POLR1E: variants seen among roughly 807,000 people sequenced by gnomAD.
The protein encoded by POLR1E is DNA-directed RNA polymerase I subunit RPA49.
Under a neutral mutation model 50.9 loss-of-function variants are expected in POLR1E, and 37 were observed. The ratio of observed to expected loss-of-function variants is 0.73; its 90% confidence interval spans 0.56 to 0.96. The LOEUF (loss-of-function observed/expected upper bound fraction) is 0.96. Ranked by LOEUF, POLR1E falls within the 40% of genes least tolerant of loss-of-function variation. POLR1E has a pLI of 0.00. For missense variants in POLR1E, 426 were observed against 518.1 expected (o/e 0.82, Z 1.73); for synonymous variants, 166 against 191.6 (o/e 0.87, Z 1.10).
chr9:37,486,476 A>G (rs1166054601), intron 1 of POLR1E: 2 of 1,551,456 alleles, frequency 1.3e-6, no homozygotes, highest in African/African-American at 2.7e-5. Context: ...TCCTTCCGCG[A>G]GACATTCCCT....
intron 8 of POLR1E, among the ~76,000 whole-genome samples, chr9:37,496,539 A>C (rs1043632682): frequency 1.3e-5 from 2 of 151,174 alleles, no homozygotes; most frequent in East Asian, 3.9e-4. Context: ...AAGAGTTGTC[A>C]ATCTGAGGTT....
At chr9:37,496,221 G>A (rs1715147203) in intron 8 of POLR1E, among the ~76,000 whole-genome samples, 1 of 152,140 alleles carries the variant, frequency 6.6e-6, no homozygotes. Flanking sequence ...AGGGTGGTGA[G>A]GCCTTCTACT....
rs759718641 is a variant in POLR1E at position 37,498,123 on chromosome 9, CTT to C, written c.787_788del (p.Leu263AlafsTer27). 5 of 1,613,964 alleles carry C rather than the reference CTT, an allele frequency of 3.1e-6. No individual in the cohort carries two copies. Reference sequence around the variant, plus strand: ...ACCTTTGTCATAGAAGCGTTGAAGTCTTTGCCATCAGATGTGGAGAGCCGAGA... The same window carrying C: ...ACCTTTGTCATAGAAGCGTTGAAGTCTGCCATCAGATGTGGAGAGCCGAGA... On this transcript the variant is annotated frameshift_variant, in exon 9 of 12. Transcript: ENST00000377798. LOFTEE classifies it high-confidence loss of function.
chr9:37,496,499 G>T (rs894808001), intron 8 of POLR1E, among the ~76,000 whole-genome samples: 1 of 151,110 alleles, frequency 6.6e-6, no homozygotes, highest in Non-Finnish European at 1.5e-5. Context: ...TTGCTTTTGA[G>T]TTTTTTCTTT....
In POLR1E at chr9:37,503,313, C is replaced by G; in HGVS notation, c.*111C>G. 1 of 1,333,718 alleles carries G rather than the reference C, an allele frequency of 7.5e-7. No individual in the cohort carries two copies. The highest frequency in any genetic ancestry group is 1.6e-5 in the South Asian group (1 of 63,932). 82.6% of individuals were successfully genotyped at this position (1,333,718 alleles called of 1,614,324 possible). On this transcript the variant is annotated 3_prime_UTR_variant, in exon 12 of 12. Coordinates refer to ENST00000377798, the MANE Select transcript of POLR1E (RefSeq NM_022490.4). ...AAGAAAAGGTCCGGGGATGGTGGCT[C>G]ACACCTGAAATCCCAGCACTTTGGG...
rs183900379 is a variant in POLR1E, at chr9:37,503,299, C to T, written c.*97C>T. ...ATGTATGTTTTGAAAAGAAAAGGTC[C>T]GGGGATGGTGGCTCACACCTGAAAT... On this transcript the variant is annotated 3_prime_UTR_variant, in exon 12 of 12. Coordinates refer to ENST00000377798, the MANE Select transcript of POLR1E (RefSeq NM_022490.4). 350 of 1,412,150 alleles carry T rather than the reference C, an allele frequency of 2.5e-4. No homozygotes were observed. The African/African-American group carries it at 4.4e-3, about 18-fold the overall frequency. 87.5% of individuals were successfully genotyped at this position (1,412,150 alleles called of 1,614,324 possible). A position where few individuals can be genotyped will look rare whatever the true frequency, so the allele number is the denominator to read the frequency against.
chr9:37,502,321 C>A (rs988588053), intron 11 of POLR1E, among the ~76,000 whole-genome samples: 4 of 152,202 alleles, frequency 2.6e-5, no homozygotes, highest in African/African-American at 9.7e-5. Flanking sequence ...AGAGCTTCCT[C>A]ACAATCAGAT....
intron 2 of POLR1E, 72 bp from the exon 3 acceptor site, chr9:37,487,791 T>C: frequency 7.0e-7 from 1 of 1,430,218 alleles, no homozygotes; most frequent in Non-Finnish European, 9.8e-7. Flanking sequence ...TCAGCAAATG[T>C]AGAAAAGAGA....
At position 37,495,920 on chromosome 9, in the gene POLR1E, A is replaced by G. The variant is rs2119010411; in HGVS notation, c.686A>G (p.Gln229Arg). The G allele has an allele frequency of 6.2e-7, 1 of 1,614,042 alleles. No individual in the cohort carries two copies. The highest frequency in any genetic ancestry group is 1.1e-5 in the South Asian group (1 of 91,080). Residue 229 changes from glutamine (Q) to arginine (R), a missense_variant, in exon 8 of 12, where the codon CAG (glutamine) becomes CGG (arginine). Gln to Arg is a conservative substitution (Grantham distance 43). Transcript: ENST00000377798. ...TCCCCTGCGGAGTATGAAGCTCTTC[A>G]GAGCCCATCTGAAGCTTTCAGGAAC... ...LLSPAEYEAL[Q>R]SPSEAFRNVT...
intron 8 of POLR1E, among the ~76,000 whole-genome samples, chr9:37,496,355 G>T (rs2119011124): frequency 6.6e-6 from 1 of 152,226 alleles, no homozygotes; most frequent in African/African-American, 2.4e-5. Context: ...TCTCTGTGAT[G>T]ATATGGTAGG....
In POLR1E at chr9:37,494,740, C is replaced by T. The variant is rs780043247; in HGVS notation, c.548-429C>T. ...AGGTGTGAGCCACCACACCTGGCTG[C>T]GGAGTTATTCTTGTGGGGCAGTTAC... On this transcript the variant is annotated intron_variant, in intron 6 of 11. Coordinates refer to ENST00000377798, the MANE Select transcript of POLR1E (RefSeq NM_022490.4). 8.5e-5 allele frequency among the ~76,000 whole-genome samples: 13 copies of T among 152,184 alleles called. No individual in the cohort carries two copies. The East Asian group carries it at 9.6e-4, about 11-fold the overall frequency.
At chr9:37,496,769 T>G (rs1820794062) in intron 8 of POLR1E, among the ~76,000 whole-genome samples, 1 of 152,058 alleles carries the variant, frequency 6.6e-6, no homozygotes, top group Admixed American at 6.5e-5. Flanking sequence ...GTCCCCGAAC[T>G]CTGCCCTTAT....
At chr9:37,495,410 T>C in intron 7 of POLR1E, 134 bp downstream of exon 7, 1 of 749,934 alleles carries the variant, frequency 1.3e-6, no homozygotes, top group Non-Finnish European at 2.3e-6. Context: ...TTGCAGTTGC[T>C]CAGTGCTCTT....
intron 2 of POLR1E, 107 bp from the exon 3 acceptor site, chr9:37,487,756 C>A: frequency 1.0e-6 from 1 of 994,624 alleles, no homozygotes; most frequent in Non-Finnish European, 1.5e-6. Context: ...AGTTCTAATC[C>A]ATTGTGAGTC....
At chr9:37,499,428 G>A (rs1820838230) in intron 9 of POLR1E, among the ~76,000 whole-genome samples, 1 of 152,290 alleles carries the variant, frequency 6.6e-6, no homozygotes, top group South Asian at 2.1e-4. Flanking sequence ...AAAATCTTAT[G>A]GGACCACTGT....
chr9:37,489,003 C>G (rs961690124), intron 3 of POLR1E, among the ~76,000 whole-genome samples: 6 of 152,122 alleles, frequency 3.9e-5, no homozygotes, highest in African/African-American at 1.4e-4. Flanking sequence ...CTTTGGGAGG[C>G]TGATAGGGTC....
chr9:37,489,323 T>C lies in POLR1E; in HGVS notation c.266T>C (p.Val89Ala). The C allele has an allele frequency of 6.3e-7, 1 of 1,597,648 alleles. No homozygotes were observed. Among genetic ancestry groups the C allele is most frequent in the East Asian group, 2.2e-5 (1 of 44,450 alleles). The change falls in exon 4 of 12, where the codon GTG becomes GCG. Residue 89 changes from valine (V) to alanine (A), a missense_variant. Val to Ala is a moderately conservative substitution (Grantham distance 64). Coordinates refer to ENST00000377798, the MANE Select transcript of POLR1E (RefSeq NM_022490.4). ...ATTTCTTCTTTATTCAGGCACTTTGTGGGAATTTTGAACAAGACCTCTGGC... is the reference window on the plus strand; with the variant it reads ...ATTTCTTCTTTATTCAGGCACTTTGCGGGAATTTTGAACAAGACCTCTGGC... ...LKCNTLCRHF[V>A]GILNKTSGQM...
Position 37,493,447 on chromosome 9 carries a change from A to AG in POLR1E, c.403-110dup, listed in dbSNP as rs1309599994. 3.3e-6 allele frequency: 3 copies of AG among 914,910 alleles called. No homozygotes were observed. In the African/African-American group the frequency reaches 5.1e-5, roughly 15 times the overall value. 56.7% of individuals were successfully genotyped at this position (914,910 alleles called of 1,614,324 possible). On this transcript the variant is annotated intron_variant, in intron 5 of 11. Transcript: ENST00000377798. ...ATAGGTGCGATTCAGCCTTATTCACAGGTGAGGTAGTGATCACTCTGGGAT... is the reference window on the plus strand; with the variant it reads ...ATAGGTGCGATTCAGCCTTATTCACAGGGTGAGGTAGTGATCACTCTGGGAT...
chr9:37,489,296 T>G lies in POLR1E; in HGVS notation c.258-19T>G. 1.3e-6 allele frequency: 2 copies of G among 1,539,346 alleles called. No homozygotes were observed. The highest frequency in any genetic ancestry group is 1.8e-6 in the Non-Finnish European group (2 of 1,128,494). ...TTTGAATAATCCATTGTTATTTGTATTATTTCTTCTTTATTCAGGCACTTT... is the reference window on the plus strand; with the variant it reads ...TTTGAATAATCCATTGTTATTTGTAGTATTTCTTCTTTATTCAGGCACTTT... On this transcript the variant is annotated intron_variant, in intron 3 of 11. Transcript: ENST00000377798.
Sources: gnomAD v4.1 joint callset for allele counts (sites outside exome capture counted in the v4.1 genomes callset) on GRCh38, gnomAD v4.1.1 for gene constraint, MANE v1.5 for transcripts, NCBI Gene and HGNC (gene_info 2026-07-23, HGNC 2026-07-21) for gene names.